Variants in NXPE2 observed in about 807,000 individuals in gnomAD.
NXPE2 encodes the protein neurexophilin and PC-esterase domain family member 2, also known as NXPE family member 2.
A neutral mutation model predicts 34.4 loss-of-function variants in NXPE2; 34 were observed. That is an observed-to-expected ratio of 0.99 (90% CI 0.75 to 1.31). The LOEUF (loss-of-function observed/expected upper bound fraction) is 1.31. Among genes scored for constraint, NXPE2 ranks in the 40% most tolerant of loss-of-function variants. The pLI is 0.00. For missense variants in NXPE2, 649 were observed against 672.5 expected (o/e 0.97, Z 0.39); for synonymous variants, 235 against 231.3 (o/e 1.02, Z -0.15).
the NXPE2 span, among the ~76,000 whole-genome samples, chr11:114,468,258 G>A: frequency 9.9e-5 from 15 of 152,192 alleles, no homozygotes; most frequent in South Asian, 2.1e-4. Flanking sequence ...AGGGATGAGA[G>A]CTAGAGGTGG....
At chr11:114,744,949 G>A in the NXPE2 span, among the ~76,000 whole-genome samples, 2 of 152,132 alleles carry the variant, frequency 1.3e-5, 1 homozygote, top group South Asian at 4.1e-4. Context: ...TAATAAATAA[G>A]AATATACATT....
At chr11:114,491,675 T>C in the NXPE2 span, among the ~76,000 whole-genome samples, 1 of 152,130 alleles carries the variant, frequency 6.6e-6, no homozygotes, top group Non-Finnish European at 1.5e-5. Context: ...ACCCAAAGGA[T>C]TATAAATCAT....
the NXPE2 span, among the ~76,000 whole-genome samples, chr11:114,775,003 A>C: frequency 6.6e-6 from 1 of 152,228 alleles, no homozygotes; most frequent in African/African-American, 2.4e-5. Flanking sequence ...AACTGTATGA[A>C]ATTATAGTAA....
At chr11:114,791,886 T>C in the NXPE2 span, among the ~76,000 whole-genome samples, 1 of 152,056 alleles carries the variant, frequency 6.6e-6, no homozygotes, top group Non-Finnish European at 1.5e-5. Context: ...AAACCCTGTC[T>C]CTACTAAACA....
rs1951461160 is a variant in NXPE2, at chr11:114,705,810, A to G, written c.958A>G (p.Ile320Val). The G allele has an allele frequency of 6.6e-7, 1 of 1,510,968 alleles. No homozygotes were observed. Among genetic ancestry groups the G allele is most frequent in the Non-Finnish European group, 8.9e-7 (1 of 1,129,776 alleles). The allele number at this position is 1,510,968 out of a possible 1,614,324, so 93.6% of individuals were successfully genotyped here. A position where few individuals can be genotyped will look rare whatever the true frequency, so the allele number is the denominator to read the frequency against. The change falls in exon 5 of 6, where the codon ATT (isoleucine) becomes GTT (valine). Residue 320 changes from isoleucine to valine, a missense_variant. Transcript: ENST00000389586. ...CGAGAACATAAAAAAGAACTGCCAGATTGGAATGAAGACTCCTTTCCCCAG... is the reference window on the plus strand; with the variant it reads ...CGAGAACATAAAAAAGAACTGCCAGGTTGGAATGAAGACTCCTTTCCCCAG... The part of the protein sequence containing the change: ...KSENIKKNCQ[I>V]GMKTPFPSGY...
the NXPE2 span, among the ~76,000 whole-genome samples, chr11:114,785,225 GA>G: frequency 1.3e-5 from 2 of 152,032 alleles, no homozygotes; most frequent in African/African-American, 4.8e-5. Context: ...CTGAACTTCA[GA>G]ATGTCAAACC....
the NXPE2 span, among the ~76,000 whole-genome samples, chr11:114,621,942 C>T: frequency 6.8e-6 from 1 of 147,288 alleles, no homozygotes; most frequent in South Asian, 2.2e-4. Flanking sequence ...ATGGGTAACA[C>T]CTGTTACCCT....
chr11:114,482,633 G>A, the NXPE2 span, among the ~76,000 whole-genome samples: 1 of 152,298 alleles, frequency 6.6e-6, no homozygotes, highest in East Asian at 1.9e-4. Context: ...AGGTGCCTTA[G>A]TTAATACAGC....
chr11:114,683,489 C>T (rs1013522839), intron 2 of NXPE2, among the ~76,000 whole-genome samples: 2 of 149,352 alleles, frequency 1.3e-5, no homozygotes, highest in African/African-American at 2.5e-5. Flanking sequence ...GGCACGACCT[C>T]GGCTCACTGC....
chr11:114,601,250 C>G, the NXPE2 span, among the ~76,000 whole-genome samples: 2 of 150,468 alleles, frequency 1.3e-5, no homozygotes, highest in Non-Finnish European at 3.0e-5. Context: ...TTCCCATGCT[C>G]CCTCTTTCTG....
chr11:114,722,790 C>T, the NXPE2 span, among the ~76,000 whole-genome samples: 1 of 152,148 alleles, frequency 6.6e-6, no homozygotes, highest in South Asian at 2.1e-4. Flanking sequence ...AAGGCAGTAC[C>T]TCCTATAAAC....
At chr11:114,470,882 T>C in the NXPE2 span, among the ~76,000 whole-genome samples, 1 of 152,158 alleles carries the variant, frequency 6.6e-6, no homozygotes, top group African/African-American at 2.4e-5. Context: ...TTAAATGTTA[T>C]TTACATCTAA....
the NXPE2 span, among the ~76,000 whole-genome samples, chr11:114,721,712 C>T: frequency 3.9e-5 from 6 of 151,982 alleles, no homozygotes; most frequent in African/African-American, 7.3e-5. Context: ...TACTAATCCC[C>T]GAGGCAGGTA....
At chr11:114,464,573 A>T in the NXPE2 span, among the ~76,000 whole-genome samples, 2 of 152,222 alleles carry the variant, frequency 1.3e-5, no homozygotes, top group Admixed American at 1.3e-4. Context: ...ATACCAGCAG[A>T]TATCAGTTAA....
chr11:114,734,539 C>G, the NXPE2 span, among the ~76,000 whole-genome samples: 1 of 152,118 alleles, frequency 6.6e-6, no homozygotes, highest in Admixed American at 6.5e-5. Context: ...TTTGCCAACA[C>G]CAGGTGTATG....
chr11:114,535,254 C>G, the NXPE2 span, among the ~76,000 whole-genome samples: 1 of 152,176 alleles, frequency 6.6e-6, no homozygotes, highest in Non-Finnish European at 1.5e-5. Flanking sequence ...CACCACCAGG[C>G]CTGCCCTAAA....
chr11:114,804,276 TAA>T, the NXPE2 span, among the ~76,000 whole-genome samples: 2 of 152,218 alleles, frequency 1.3e-5, no homozygotes, highest in Admixed American at 1.3e-4. Context: ...GCCTCAAGGT[TAA>T]GAGATTTGCT....
the NXPE2 span, among the ~76,000 whole-genome samples, chr11:114,605,169 T>C: frequency 6.6e-6 from 1 of 151,892 alleles, no homozygotes; most frequent in African/African-American, 2.4e-5. Flanking sequence ...TAATAAGTGT[T>C]GCCTTGTGAG....
At chr11:114,699,979 A>G (rs1288051994) in intron 3 of NXPE2, among the ~76,000 whole-genome samples, 2 of 152,080 alleles carry the variant, frequency 1.3e-5, no homozygotes, top group African/African-American at 4.8e-5. Context: ...TCTTTAGTAG[A>G]GACAGGGTTT....
Sources: gnomAD v4.1 joint callset for allele counts (sites outside exome capture counted in the v4.1 genomes callset) on GRCh38, gnomAD v4.1.1 for gene constraint, MANE v1.5 for transcripts, NCBI Gene and HGNC (gene_info 2026-07-23, HGNC 2026-07-21) for gene names.